Variants in ADRM1 observed in about 807,000 individuals in gnomAD.
ADRM1 encodes the protein proteasomal ubiquitin receptor ADRM1.
ADRM1 carries 2 observed loss-of-function variants against 40.1 expected under a neutral mutation model. The ratio of observed to expected loss-of-function variants is 0.05; its 90% CI spans 0.02 to 0.16. The LOEUF is 0.16. ADRM1 is among the 10% of genes least tolerant of loss of function. The pLI is 1.00. For synonymous variants in ADRM1, 287 were observed against 240.4 expected (o/e 1.19, Z -1.79); for missense variants, 467 against 552.5 (o/e 0.85, Z 1.55).
rs369612978 is a variant in ADRM1 at position 62,303,723 on chromosome 20, C to T, written c.155C>T (p.Thr52Met). Residue 52 changes from threonine to methionine, a missense_variant, in exon 2 of 10, where the codon ACG (threonine) becomes ATG (methionine). Transcript: ENST00000253003. The part of the protein sequence containing the change: ...KRKGLVYIQQ[T>M]DDSLIHFCWK... ...AAAGGGCTGGTGTACATTCAGCAGA[C>T]GGACGACTCGCTTATTCACTTCTGC... 10 of 1,612,442 alleles carry T rather than the reference C, an allele frequency of 6.2e-6. No homozygotes were observed. The highest frequency in any genetic ancestry group is 8.5e-6 in the Non-Finnish European group (10 of 1,179,982).
chr20:62,306,854 C>T (rs948772846), intron 5 of ADRM1, 120 bp downstream of exon 5: 12 of 996,416 alleles, frequency 1.2e-5, no homozygotes, highest in Middle Eastern at 2.2e-4. Flanking sequence ...CCTGTGTGTC[C>T]GCAAGCTGGT....
chr20:62,306,350 G>A, intron 4 of ADRM1, 30 bp downstream of exon 4: 4 of 1,612,300 alleles, frequency 2.5e-6, no homozygotes, highest in Non-Finnish European at 3.4e-6. Context: ...CGTGAGCTCA[G>A]GGTTTCCTGG....
rs369040492 is a variant in ADRM1 at position 62,307,704 on chromosome 20, C to G, written c.732C>G (p.Pro244=). 1 of 1,612,232 alleles carries G rather than the reference C, an allele frequency of 6.2e-7. No individual in the cohort carries two copies. The highest frequency in any genetic ancestry group is 1.1e-5 in the South Asian group (1 of 91,050). Residue 244 remains proline (P), a synonymous_variant, in exon 7 of 10, where the codon CCC becomes CCG. Transcript: ENST00000253003. The part of the protein sequence containing the change: ...PAAASATSPS[P]APSSGNGAST... ...CTGCCTCAGCAACTAGCCCGAGCCC[C>G]GCGCCCAGTTCCGGGAATGGAGCCA...
Position 62,303,716 on chromosome 20 carries a change from C to G in ADRM1, c.148C>G (p.Gln50Glu), listed in dbSNP as rs1411180422. The change falls in exon 2 of 10, where the codon CAG (glutamine) becomes GAG (glutamate). Residue 50 changes from glutamine (Q) to glutamate (E), a missense_variant. Gln to Glu is a conservative substitution (Grantham distance 29). Around this residue, in one of 3 missense-constraint regions of ADRM1, gnomAD observed 16 missense variants for 49.1 expected, o/e 0.33. Coordinates refer to ENST00000253003, the MANE Select transcript of ADRM1 (RefSeq NM_007002.4). ...PDKRKGLVYIQQTDDSLIHFC... is the reference protein window; with the variant it reads ...PDKRKGLVYIEQTDDSLIHFC... The stretch of plus-strand genomic sequence containing the variant: ...TAAGCGGAAAGGGCTGGTGTACATT[C>G]AGCAGACGGACGACTCGCTTATTCA... 1.2e-6 allele frequency: 2 copies of G among 1,612,368 alleles called. No individual in the cohort carries two copies. Among genetic ancestry groups the G allele is most frequent in the Non-Finnish European group, 1.7e-6 (2 of 1,179,986 alleles).
At chr20:62,302,921 G>A (rs972476264), upstream of ADRM1, 10 of 152,188 alleles carry the variant, frequency 6.6e-5, no homozygotes, top group African/African-American at 2.4e-4. Context: ...GCGGCTTACG[G>A]GGCTCAATCG....
At position 62,307,171 on chromosome 20, in the gene ADRM1, C is replaced by T. The variant is rs113034902; in HGVS notation, c.542-200C>T. ...ACATGAATTGTGTAATGGGATGGAA[C>T]AGAAATGACCTTGCTTCCAGAACAC... On this transcript the variant is annotated intron_variant, in intron 5 of 9. Transcript: ENST00000253003. Among the ~76,000 whole-genome samples, 916 of 152,308 alleles carry T rather than the reference C, an allele frequency of 6.0e-3. 8 individuals carry two copies. The highest frequency in any genetic ancestry group is 0.019 in the African/African-American group (804 of 41,560).
chr20:62,308,005 T>C lies in ADRM1; in HGVS notation c.857-16T>C, dbSNP rs1985393764. 1.2e-6 allele frequency: 2 copies of C among 1,603,194 alleles called. No individual in the cohort carries two copies. The highest frequency in any genetic ancestry group is 2.7e-5 in the African/African-American group (2 of 74,788). On this transcript the variant is annotated splice_polypyrimidine_tract_variant and intron_variant, in intron 7 of 9. Transcript: ENST00000253003. Reference sequence around the variant, plus strand: ...TAGGCTGTCATCGAGCTGATGGCCGTGTTCTTGTGCCCCAGTGGACCTGGC... The same window carrying C: ...TAGGCTGTCATCGAGCTGATGGCCGCGTTCTTGTGCCCCAGTGGACCTGGC...
intron 7 of ADRM1, 26 bp downstream of exon 7, chr20:62,307,854 G>T: frequency 6.3e-7 from 1 of 1,581,196 alleles, no homozygotes. Flanking sequence ...GCCTGGAGCT[G>T]GGTGGGGGGC....
At chr20:62,307,177 T>C (rs778772886) in intron 5 of ADRM1, among the ~76,000 whole-genome samples, 194 bp from the exon 6 acceptor site, 6 of 152,190 alleles carry the variant, frequency 3.9e-5, no homozygotes, top group Non-Finnish European at 7.4e-5. Flanking sequence ...GGAACAGAAA[T>C]GACCTTGCTT....
intron 3 of ADRM1, among the ~76,000 whole-genome samples, chr20:62,305,009 C>A (rs1292534419): frequency 6.6e-6 from 1 of 152,234 alleles, no homozygotes; most frequent in Non-Finnish European, 1.5e-5. Context: ...TCCTGGAGGC[C>A]AGGGGTGTCA....
rs770144780 is a variant in ADRM1, at chr20:62,303,807, A to G, written c.213+26A>G. 6.9e-6 allele frequency: 11 copies of G among 1,599,108 alleles called. No individual in the cohort carries two copies. The South Asian group carries it at 9.9e-5, about 14-fold the overall frequency. ...GTGAGTGTCCCTGAGCCGCAGCAGC[A>G]GGACAGGCGACTTCTCGGGCCCTCG... On this transcript the variant is annotated intron_variant, in intron 2 of 9. Coordinates refer to ENST00000253003, the MANE Select transcript of ADRM1 (RefSeq NM_007002.4).
chr20:62,306,108 C>T, intron 3 of ADRM1, 89 bp from the exon 4 acceptor site: 2 of 1,536,224 alleles, frequency 1.3e-6, no homozygotes, highest in African/African-American at 1.4e-5. Context: ...TCTCAGGTCC[C>T]TCACCTGGAA....
chr20:62,303,876 G>C, intron 2 of ADRM1, 95 bp downstream of exon 2: 1 of 1,286,890 alleles, frequency 7.8e-7, no homozygotes, highest in Non-Finnish European at 1.1e-6. Context: ...GGCCGCATCT[G>C]GGGACCGCTC....
At chr20:62,304,691 G>T (rs1396813427) in intron 3 of ADRM1, 114 bp downstream of exon 3, 3 of 1,011,074 alleles carry the variant, frequency 3.0e-6, no homozygotes. Flanking sequence ...GGCCACACCC[G>T]GCCACACGGC....
At chr20:62,307,938 C>A in intron 7 of ADRM1, 83 bp from the exon 8 acceptor site, 1 of 1,554,652 alleles carries the variant, frequency 6.4e-7, no homozygotes, top group African/African-American at 1.4e-5. Flanking sequence ...GTGCTGGGGC[C>A]ATGGGCTGAG....
chr20:62,308,002 C>T lies in ADRM1; in HGVS notation c.857-19C>T, dbSNP rs951298365. On this transcript the variant is annotated intron_variant, in intron 7 of 9. Transcript: ENST00000253003. ...ACTTAGGCTGTCATCGAGCTGATGG[C>T]CGTGTTCTTGTGCCCCAGTGGACCT... is the stretch of plus-strand genomic sequence containing the variant. 1.4e-5 allele frequency: 23 copies of T among 1,602,288 alleles called. No homozygotes were observed. Among genetic ancestry groups the T allele is most frequent in the Non-Finnish European group, 1.9e-5 (22 of 1,173,542 alleles).
At position 62,306,192 on chromosome 20, in the gene ADRM1, T is replaced by C; in HGVS notation, c.331-5T>C. On this transcript the variant is annotated splice_polypyrimidine_tract_variant and splice_region_variant and intron_variant, in intron 3 of 9. Coordinates refer to ENST00000253003, the MANE Select transcript of ADRM1 (RefSeq NM_007002.4). Reference sequence around the variant, plus strand: ...TCCTGCCCTTACATGCCCTTCCTCTTGCAGGAACCCAAGACAGACCAGGAT... The same window carrying C: ...TCCTGCCCTTACATGCCCTTCCTCTCGCAGGAACCCAAGACAGACCAGGAT... 1 of 1,607,114 alleles carries C rather than the reference T, an allele frequency of 6.2e-7. No individual in the cohort carries two copies. Among genetic ancestry groups the C allele is most frequent in the Non-Finnish European group, 8.5e-7 (1 of 1,174,826 alleles).
intron 9 of ADRM1, 27 bp from the exon 10 acceptor site, chr20:62,308,628 C>G (rs981870415): frequency 6.2e-7 from 1 of 1,611,942 alleles, no homozygotes; most frequent in African/African-American, 1.3e-5. Context: ...GGGTTAGACA[C>G]CACCTTGTGT....
intron 3 of ADRM1, among the ~76,000 whole-genome samples, 168 bp downstream of exon 3, chr20:62,304,745 G>C (rs1223325577): frequency 6.6e-6 from 1 of 152,250 alleles, no homozygotes; most frequent in Admixed American, 6.5e-5. Flanking sequence ...ACCTGGGGCC[G>C]AGGTCCTCTC....
Sources: allele counts gnomAD v4.1 joint callset (sites outside exome capture counted in the v4.1 genomes callset), GRCh38; gene constraint gnomAD v4.1.1; regional missense constraint gnomAD v4.1.1; transcripts MANE v1.5; gene names NCBI Gene and HGNC (gene_info 2026-07-23, HGNC 2026-07-21).